LRRFIP2: variants seen among roughly 807,000 people sequenced by gnomAD.
LRRFIP2 encodes the protein LRR binding FLII interacting protein 2.
In LRRFIP2, 109 loss-of-function variants were observed where a neutral mutation model predicts 125.9. That is an observed-to-expected ratio of 0.87 (90% CI 0.74 to 1.01). The LOEUF is 1.01. LRRFIP2 is among the 50% of genes least tolerant of loss of function. The pLI, the probability that LRRFIP2 is intolerant of heterozygous loss-of-function variation, is 0.00. For missense variants in LRRFIP2, 850 were observed against 862.3 expected (o/e 0.99, Z 0.18); for synonymous variants, 291 against 293.1 (o/e 0.99, Z 0.07).
chr3:37,165,855 A>AAGAAAG (rs1350288251), intron 1 of LRRFIP2, among the ~76,000 whole-genome samples: 3 of 131,938 alleles, frequency 2.3e-5, no homozygotes, highest in Non-Finnish European at 5.0e-5. Flanking sequence ...GAAAGAAAGA[A>AAGAAAG]AGAGAAAGAA....
intron 4 of LRRFIP2, among the ~76,000 whole-genome samples, chr3:37,126,741 C>G (rs1317814613): frequency 6.6e-6 from 1 of 151,876 alleles, no homozygotes; most frequent in Non-Finnish European, 1.5e-5. Context: ...CGCCTGTAAT[C>G]CCAGCTACTT....
At chr3:37,065,557 G>A (rs1232307183) in intron 23 of LRRFIP2, 1 of 631,740 alleles carries the variant, frequency 1.6e-6, no homozygotes, top group Non-Finnish European at 2.9e-6. Context: ...AAAAACCGAT[G>A]TGTATAGGCC....
At chr3:37,147,893 C>A (rs781595727) in intron 2 of LRRFIP2, among the ~76,000 whole-genome samples, 14 of 152,170 alleles carry the variant, frequency 9.2e-5, no homozygotes, top group Non-Finnish European at 1.9e-4. Context: ...CAATAGGTGA[C>A]GCCCCTTCCC....
At chr3:37,121,829 G>A (rs1011884568) in intron 4 of LRRFIP2, 138 bp from the exon 5 acceptor site, 7 of 700,360 alleles carry the variant, frequency 1.0e-5, no homozygotes, top group Admixed American at 6.4e-5. Flanking sequence ...TTATCTTAGG[G>A]GCAGCCACAT....
chr3:37,111,127 C>G, intron 8 of LRRFIP2, 62 bp from the exon 9 acceptor site: 2 of 1,394,358 alleles, frequency 1.4e-6, no homozygotes, highest in African/African-American at 1.4e-5. Flanking sequence ...TAACAACACA[C>G]AAAGGCAAAA....
intron 1 of LRRFIP2, among the ~76,000 whole-genome samples, chr3:37,163,846 T>C (rs1417423895): frequency 2.6e-5 from 4 of 152,188 alleles, no homozygotes; most frequent in African/African-American, 7.2e-5. Flanking sequence ...TGTGATTTCC[T>C]GGAAGGGAGG....
intron 24 of LRRFIP2, among the ~76,000 whole-genome samples, chr3:37,061,549 C>G (rs1323401535): frequency 6.6e-6 from 1 of 151,798 alleles, no homozygotes; most frequent in East Asian, 1.9e-4. Flanking sequence ...CACCACCATG[C>G]CCGGCTAATT....
intron 1 of LRRFIP2, among the ~76,000 whole-genome samples, chr3:37,167,591 T>G (rs1382236141): frequency 1.4e-5 from 2 of 147,360 alleles, no homozygotes; most frequent in African/African-American, 2.5e-5. Context: ...GAGGGAGAGG[T>G]TGCAGTGAGC....
At chr3:37,102,498 C>CTT (rs751506380) in intron 15 of LRRFIP2, among the ~76,000 whole-genome samples, 13 of 120,886 alleles carry the variant, frequency 1.1e-4, no homozygotes, top group South Asian at 2.6e-4. Context: ...TCAAACAATT[C>CTT]TTTTTTTTTT....
At chr3:37,087,266 T>C (rs79685385) in intron 18 of LRRFIP2, among the ~76,000 whole-genome samples, 1 of 152,238 alleles carries the variant, frequency 6.6e-6, no homozygotes, top group South Asian at 2.1e-4. Context: ...AATTATACAG[T>C]GCTCTAAATG....
chr3:37,089,195 G>A (rs1235648713), intron 18 of LRRFIP2, among the ~76,000 whole-genome samples: 2 of 151,686 alleles, frequency 1.3e-5, no homozygotes, highest in Non-Finnish European at 2.9e-5. Context: ...TGGGTTAATG[G>A]GTTTAGTCCT....
chr3:37,065,691 A>C, intron 23 of LRRFIP2, 119 bp downstream of exon 23: 4 of 1,239,258 alleles, frequency 3.2e-6, no homozygotes, highest in Non-Finnish European at 4.7e-6. Flanking sequence ...TCTTCTAGTT[A>C]AGGATCTACT....
chr3:37,079,819 A>G (rs990232545), intron 19 of LRRFIP2, among the ~76,000 whole-genome samples: 7 of 152,236 alleles, frequency 4.6e-5, no homozygotes, highest in Non-Finnish European at 5.9e-5. Flanking sequence ...GAAAGAAGCC[A>G]GTCACAAAAG....
chr3:37,146,838 T>C (rs1389559570), intron 2 of LRRFIP2, among the ~76,000 whole-genome samples: 5 of 152,080 alleles, frequency 3.3e-5, no homozygotes, highest in South Asian at 4.2e-4. Flanking sequence ...TCAAAAGCAA[T>C]CGCAACAAAA....
intron 18 of LRRFIP2, among the ~76,000 whole-genome samples, chr3:37,090,945 T>A (rs1163274270): frequency 1.3e-5 from 2 of 152,248 alleles, no homozygotes; most frequent in Non-Finnish European, 2.9e-5. Context: ...TATGCAACAC[T>A]TTTTCATTTA....
chr3:37,138,931 T>A (rs1471606792), intron 2 of LRRFIP2, among the ~76,000 whole-genome samples: 1 of 152,190 alleles, frequency 6.6e-6, no homozygotes, highest in Non-Finnish European at 1.5e-5. Flanking sequence ...CCAGAGTCAC[T>A]CTTGCTCTTT....
intron 2 of LRRFIP2, chr3:37,134,604 C>T: frequency 1.8e-6 from 1 of 552,000 alleles, no homozygotes. Flanking sequence ...GAGTTTTGGC[C>T]AGACTTTTGA....
rs931420922 is a variant in LRRFIP2, at chr3:37,060,074, C to A, written c.1750-1164G>T. 2.6e-5 allele frequency among the ~76,000 whole-genome samples: 4 copies of A among 152,166 alleles called. No individual in the cohort carries two copies. Among genetic ancestry groups the A allele is most frequent in the Admixed American group, 1.3e-4 (2 of 15,276 alleles). On this transcript the variant is annotated intron_variant, in intron 24 of 27. Transcript: ENST00000336686. This position sits in a 1 kb window ranked among gnomAD's most constrained non-coding sequence, Gnocchi z 4.1. ...ATGTGCATCTCACAAAGGGTCATAT[C>A]CTTCCTCTGCAGTCTTCCTCACAAG...
In LRRFIP2 at chr3:37,053,012, G is replaced by A. The variant is rs989979890; in HGVS notation, c.*839C>T. Reference sequence around the variant, plus strand: ...AACATGTCAGTAGCCAATTGTGGTTGGCAAAAGGGTGTATTTAATAGAATC... The same window carrying A: ...AACATGTCAGTAGCCAATTGTGGTTAGCAAAAGGGTGTATTTAATAGAATC... On this transcript the variant is annotated 3_prime_UTR_variant, in exon 28 of 28. Coordinates refer to ENST00000336686, the MANE Select transcript of LRRFIP2 (RefSeq NM_006309.4). 1 of 152,502 alleles carries A rather than the reference G, an allele frequency of 6.6e-6. No homozygotes were observed. The highest frequency in any genetic ancestry group is 1.5e-5 in the Non-Finnish European group (1 of 68,016). 9.4% of individuals were successfully genotyped at this position (152,502 alleles called of 1,614,324 possible).
Sources: allele counts gnomAD v4.1 joint callset (sites outside exome capture counted in the v4.1 genomes callset), GRCh38; gene constraint gnomAD v4.1.1; non-coding constraint Gnocchi (gnomAD v3.1); transcripts MANE v1.5; gene names NCBI Gene and HGNC (gene_info 2026-07-23, HGNC 2026-07-21).